The following CCDC68 variants were observed in gnomAD, a reference collection of about 807,000 sequenced individuals.
CCDC68 encodes the protein coiled-coil domain containing 68.
In CCDC68, 45 loss-of-function variants were observed where a neutral mutation model predicts 47.1. The observed-to-expected ratio is 0.96, with a 90% CI of 0.75 to 1.23. CCDC68 has a LOEUF of 1.23. CCDC68 is among the 50% of genes most tolerant of loss of function. CCDC68 has a pLI of 0.00. For missense variants in CCDC68, 353 were observed against 373.6 expected (o/e 0.94, Z 0.45); for synonymous variants, 131 against 129.5 (o/e 1.01, Z -0.08).
chr18:54,946,365 G>T (rs2044527266), intron 1 of CCDC68, among the ~76,000 whole-genome samples: 1 of 152,198 alleles, frequency 6.6e-6, no homozygotes, highest in African/African-American at 2.4e-5. Context: ...GGCTTGGCAA[G>T]GAGTGGGGGC....
chr18:54,937,077 G>T, intron 5 of CCDC68, 119 bp from the exon 6 acceptor site: 2 of 886,754 alleles, frequency 2.3e-6, no homozygotes, highest in Non-Finnish European at 3.5e-6. Flanking sequence ...CAGCCTCATA[G>T]ACAATGGATA....
intron 8 of CCDC68, among the ~76,000 whole-genome samples, chr18:54,924,520 G>C (rs1357550163): frequency 6.6e-6 from 1 of 152,186 alleles, no homozygotes. Flanking sequence ...TTTGAAGGAG[G>C]GAATTGAGGA....
chr18:54,904,331 T>A lies in CCDC68; in HGVS notation c.*27A>T. 1.3e-6 allele frequency: 2 copies of A among 1,583,554 alleles called. No individual in the cohort carries two copies. Among genetic ancestry groups the A allele is most frequent in the Non-Finnish European group, 1.7e-6 (2 of 1,152,516 alleles). ...GAATAAATAAGACTCACGCAGTCTT[T>A]CTAAATCAGATCTTCATCCAGCCAG... On this transcript the variant is annotated 3_prime_UTR_variant, in exon 12 of 12. Transcript: ENST00000591504.
intron 1 of CCDC68, among the ~76,000 whole-genome samples, chr18:54,953,647 TA>T (rs11287348): frequency 0.59 from 89,367 of 151,884 alleles, 26,475 homozygotes; most frequent in East Asian, 0.68. Flanking sequence ...GCTACATGAC[TA>T]GTCAATTAAA....
intron 1 of CCDC68, among the ~76,000 whole-genome samples, chr18:54,949,523 C>T (rs1030592524): frequency 6.6e-5 from 10 of 152,202 alleles, no homozygotes; most frequent in Non-Finnish European, 1.5e-4. Flanking sequence ...AAGGTGTAAA[C>T]AACTGACTCC....
At chr18:54,916,721 G>A (rs747435434) in intron 10 of CCDC68, among the ~76,000 whole-genome samples, 17 of 152,174 alleles carry the variant, frequency 1.1e-4, no homozygotes, top group Non-Finnish European at 2.5e-4. Flanking sequence ...ATCGCCAGCA[G>A]AGGACAGCAG....
chr18:54,912,437 A>AC (rs1555672929), intron 10 of CCDC68, among the ~76,000 whole-genome samples: 5 of 151,396 alleles, frequency 3.3e-5, no homozygotes, highest in Non-Finnish European at 7.4e-5. Context: ...GAGGAAAAAA[A>AC]CTGCTAGGAT....
intron 10 of CCDC68, among the ~76,000 whole-genome samples, chr18:54,917,442 A>G (rs2043973408): frequency 6.6e-6 from 1 of 152,206 alleles, no homozygotes; most frequent in African/African-American, 2.4e-5. Flanking sequence ...AGAAGTTATC[A>G]TCTGCCTCTC....
intron 8 of CCDC68, among the ~76,000 whole-genome samples, chr18:54,921,132 G>A (rs1428690275): frequency 6.6e-6 from 1 of 152,106 alleles, no homozygotes; most frequent in Non-Finnish European, 1.5e-5. Context: ...CTTATAAGTG[G>A]GAGCTAAACA....
chr18:54,947,180 A>C (rs190481028), intron 1 of CCDC68, among the ~76,000 whole-genome samples: 32 of 152,372 alleles, frequency 2.1e-4, no homozygotes, highest in Admixed American at 1.8e-3. Flanking sequence ...AAAATTTTCA[A>C]AATAAATCAC....
intron 6 of CCDC68, among the ~76,000 whole-genome samples, chr18:54,935,322 A>T (rs957954740): frequency 6.6e-6 from 1 of 152,226 alleles, no homozygotes; most frequent in Admixed American, 6.5e-5. Flanking sequence ...TTTATGTTTA[A>T]TTAGAAAGTG....
intron 1 of CCDC68, among the ~76,000 whole-genome samples, chr18:54,952,865 T>C (rs111542511): frequency 2.0e-5 from 3 of 152,010 alleles, no homozygotes; most frequent in Non-Finnish European, 4.4e-5. Context: ...ATACAAAAAT[T>C]AGCCAGTTGT....
chr18:54,927,130 T>C (rs2044159779), intron 8 of CCDC68, among the ~76,000 whole-genome samples: 1 of 152,216 alleles, frequency 6.6e-6, no homozygotes, highest in Non-Finnish European at 1.5e-5. Flanking sequence ...GTCATACTGA[T>C]TTCATTTTCT....
chr18:54,928,983 AT>A, intron 7 of CCDC68, 101 bp from the exon 8 acceptor site: 1 of 685,140 alleles, frequency 1.5e-6, no homozygotes, highest in Non-Finnish European at 2.6e-6. Flanking sequence ...TAAAGAGTTA[AT>A]TTCACATGTG....
Position 54,942,776 on chromosome 18 carries a change from C to CTG in CCDC68, c.14_15dup (p.Val6GlnfsTer2), listed in dbSNP as rs769739339. 7.8e-5 allele frequency: 126 copies of CTG among 1,607,354 alleles called. No homozygotes were observed. Among genetic ancestry groups the CTG allele is most frequent in the South Asian group, 1.7e-4 (15 of 90,752 alleles). ...TCCCTTGGGGGAATTTCTGTGGTCA[C>CTG]TGTCACTGTTGTCATTGTGAATTCT... On this transcript the variant is annotated frameshift_variant, in exon 3 of 12. Transcript: ENST00000591504. LOFTEE classifies it high-confidence loss of function.
chr18:54,940,485 CAACACTGATT>C (rs1213462185), intron 4 of CCDC68, among the ~76,000 whole-genome samples: 1 of 152,172 alleles, frequency 6.6e-6, no homozygotes, highest in African/African-American at 2.4e-5. Flanking sequence ...CTATAGTGGA[CAACACTGATT>C]AAGTACACTT....
intron 10 of CCDC68, among the ~76,000 whole-genome samples, chr18:54,915,852 C>T (rs1303411061): frequency 6.6e-6 from 1 of 152,004 alleles, no homozygotes; most frequent in African/African-American, 2.4e-5. Flanking sequence ...TCACTTGAAC[C>T]CAGGAGGCAG....
intron 8 of CCDC68, 42 bp downstream of exon 8, chr18:54,928,758 G>T (rs962031748): frequency 3.0e-6 from 4 of 1,318,544 alleles, no homozygotes; most frequent in Non-Finnish European, 4.4e-6. Context: ...GGACAGGAAA[G>T]AAATCAGGAA....
chr18:54,912,366 G>A (rs1283499476), intron 10 of CCDC68, among the ~76,000 whole-genome samples: 1 of 151,988 alleles, frequency 6.6e-6, no homozygotes, highest in Non-Finnish European at 1.5e-5. Context: ...AACTGGCTAA[G>A]AAGAATTAAA....
Sources: gnomAD v4.1 joint callset for allele counts (sites outside exome capture counted in the v4.1 genomes callset) on GRCh38, gnomAD v4.1.1 for gene constraint, MANE v1.5 for transcripts, NCBI Gene and HGNC (gene_info 2026-07-23, HGNC 2026-07-21) for gene names.